The following ANK3 variants were observed in gnomAD, a reference collection of about 807,000 sequenced individuals.
ANK3 encodes ankyrin-3.
Under a neutral mutation model 370.9 loss-of-function variants are expected in ANK3, and 57 were observed. The ratio of observed to expected loss-of-function variants is 0.15; its 90% confidence interval spans 0.12 to 0.19. The LOEUF is 0.19. ANK3 is among the 10% of genes least tolerant of loss of function. The pLI is 1.00. For missense variants in ANK3, 4,439 were observed against 5,302.1 expected (o/e 0.84, Z 5.06); for synonymous variants, 1,929 against 1,946.3 (o/e 0.99, Z 0.23).
At chr10:60,140,554 T>C (rs2094517481) in intron 23 of ANK3, 5 of 1,394,522 alleles carry the variant, frequency 3.6e-6, no homozygotes, top group Non-Finnish European at 3.7e-6. Flanking sequence ...ATTATACATC[T>C]TTCCCCACTC....
At chr10:60,315,034 G>A (rs558397996) in intron 1 of ANK3, among the ~76,000 whole-genome samples, 1 of 152,094 alleles carries the variant, frequency 6.6e-6, no homozygotes, top group Admixed American at 6.5e-5. Flanking sequence ...ACTTTCTCAT[G>A]GTACTTTCCA....
At chr10:60,272,900 A>G (rs1242678873) in intron 4 of ANK3, among the ~76,000 whole-genome samples, 1 of 152,146 alleles carries the variant, frequency 6.6e-6, no homozygotes, top group Non-Finnish European at 1.5e-5. Flanking sequence ...CTGTGGCCCA[A>G]GATTGCCTAA....
At chr10:60,147,250 C>A (rs2094874312) in intron 23 of ANK3, among the ~76,000 whole-genome samples, 1 of 152,162 alleles carries the variant, frequency 6.6e-6, no homozygotes, top group Non-Finnish European at 1.5e-5. Context: ...CCCAGCTCAT[C>A]TCTGTACCTT....
chr10:60,533,634 T>G (rs375629572), intron 2 of ANK3, among the ~76,000 whole-genome samples: 8 of 152,104 alleles, frequency 5.3e-5, no homozygotes, highest in East Asian at 3.9e-4. Context: ...TCTGACCCCA[T>G]TATTTGTAAT....
chr10:60,183,588 G>C (rs1462855067), intron 17 of ANK3, among the ~76,000 whole-genome samples: 1 of 152,180 alleles, frequency 6.6e-6, no homozygotes, highest in African/African-American at 2.4e-5. Context: ...GCCGGGCACA[G>C]TGGCTCACGT....
intron 2 of ANK3, among the ~76,000 whole-genome samples, chr10:60,419,508 A>G (rs934500105): frequency 6.6e-6 from 1 of 152,158 alleles, no homozygotes; most frequent in African/African-American, 2.4e-5. Flanking sequence ...TCCATGCACC[A>G]CAGTTCTTAA....
chr10:60,331,463 AGAC>A (rs2051279044), intron 1 of ANK3, among the ~76,000 whole-genome samples: 1 of 152,168 alleles, frequency 6.6e-6, no homozygotes, highest in African/African-American at 2.4e-5. Context: ...ACGAGTTAAC[AGAC>A]GACTTACTTT....
intron 21 of ANK3, among the ~76,000 whole-genome samples, chr10:60,169,313 G>T (rs2095709267): frequency 7.1e-6 from 1 of 140,858 alleles, no homozygotes; most frequent in African/African-American, 2.6e-5. Flanking sequence ...GACCTTGACA[G>T]TTTTGCAGTA....
intron 28 of ANK3, among the ~76,000 whole-genome samples, chr10:60,099,265 C>A (rs933589404): frequency 3.3e-5 from 5 of 152,108 alleles, no homozygotes; most frequent in Non-Finnish European, 7.3e-5. Context: ...GGGGCATATG[C>A]CTGACACAAG....
rs756312579 is a variant in ANK3 at position 60,072,584 on chromosome 10, T to C, written c.8297A>G (p.Lys2766Arg). 3 of 1,613,712 alleles carry C rather than the reference T, an allele frequency of 1.9e-6. No individual in the cohort carries two copies. The highest frequency in any genetic ancestry group is 2.5e-6 in the Non-Finnish European group (3 of 1,179,902). Reference protein sequence around the residue: ...LPVYQVFAREKQQKAIDLPDE... With the variant: ...LPVYQVFARERQQKAIDLPDE... ...TGGGAGGTCTATGGCCTTCTGCTGT[T>C]TTTCTCTAGCAAAAACTTGGTAGAC... Residue 2766 changes from lysine to arginine, a missense_variant, in exon 37 of 44, where the codon AAA (lysine) becomes AGA (arginine). By Grantham distance (26) the Lys-to-Arg change is conservative. Around this residue, in one of 13 missense-constraint regions of ANK3, gnomAD observed 1,601 missense variants for 1,731.7 expected, o/e 0.92. Coordinates refer to ENST00000280772, the MANE Select transcript of ANK3 (RefSeq NM_020987.5).
At chr10:60,490,637 A>T (rs1567086840) in intron 2 of ANK3, among the ~76,000 whole-genome samples, 1 of 152,234 alleles carries the variant, frequency 6.6e-6, no homozygotes, top group Non-Finnish European at 1.5e-5. Flanking sequence ...TTGCTTCACC[A>T]ATTCTCCCTT....
At chr10:60,377,517 T>C (rs906355123) in intron 1 of ANK3, among the ~76,000 whole-genome samples, 1 of 152,182 alleles carries the variant, frequency 6.6e-6, no homozygotes, top group African/African-American at 2.4e-5. Context: ...GCTTCAGTCA[T>C]GCACCATTAT....
chr10:60,051,664 CT>C (rs35764181), intron 42 of ANK3: 5,353 of 151,508 alleles, frequency 0.035, no homozygotes, highest in Non-Finnish European at 0.052. Context: ...ATGTTTTCTT[CT>C]TTTTTTTTTT....
intron 36 of ANK3, among the ~76,000 whole-genome samples, chr10:60,078,616 G>A (rs1236410541): frequency 2.6e-5 from 4 of 152,118 alleles, no homozygotes; most frequent in African/African-American, 7.2e-5. Context: ...CACATTTTAT[G>A]CTTTAATGAC....
At chr10:60,437,453 A>G (rs2064186772) in intron 2 of ANK3, among the ~76,000 whole-genome samples, 1 of 152,242 alleles carries the variant, frequency 6.6e-6, no homozygotes, top group Non-Finnish European at 1.5e-5. Flanking sequence ...GCAGTGCTGC[A>G]GGGGCCAGGG....
intron 1 of ANK3, among the ~76,000 whole-genome samples, chr10:60,629,216 C>T (rs375613363): frequency 1.8e-4 from 27 of 152,064 alleles, no homozygotes; most frequent in African/African-American, 5.6e-4. Flanking sequence ...TGACAAGGAG[C>T]TTTATTACAT....
At chr10:60,666,172 T>C (rs2078993466) in intron 1 of ANK3, among the ~76,000 whole-genome samples, 2 of 152,134 alleles carry the variant, frequency 1.3e-5, no homozygotes, top group African/African-American at 2.4e-5. Flanking sequence ...TGTCCATCAA[T>C]AGATGAATGG....
At chr10:60,162,377 C>T (rs1435444998) in intron 23 of ANK3, among the ~76,000 whole-genome samples, 4 of 152,098 alleles carry the variant, frequency 2.6e-5, no homozygotes, top group African/African-American at 9.7e-5. Flanking sequence ...TGCCACAAAC[C>T]TCATTGGAAA....
At chr10:60,319,266 T>C (rs965968409) in intron 1 of ANK3, among the ~76,000 whole-genome samples, 4 of 152,192 alleles carry the variant, frequency 2.6e-5, no homozygotes, top group Non-Finnish European at 5.9e-5. Context: ...GTACCTGAGA[T>C]GTAAGGTACT....
Sources: allele counts gnomAD v4.1 joint callset (sites outside exome capture counted in the v4.1 genomes callset), GRCh38; gene constraint gnomAD v4.1.1; regional missense constraint gnomAD v4.1.1; transcripts MANE v1.5; gene names NCBI Gene and HGNC (gene_info 2026-07-23, HGNC 2026-07-21).